STAG1: variants seen among roughly 807,000 people sequenced by gnomAD.
STAG1 encodes the protein STAG1 cohesin complex component.
Under a neutral mutation model 170.9 loss-of-function variants are expected in STAG1, and 26 were observed. The observed-to-expected ratio is 0.15, with a 90% CI of 0.11 to 0.21. The LOEUF (loss-of-function observed/expected upper bound fraction) is 0.21, where lower values mean the gene tolerates loss of function less well. Among genes scored for constraint, STAG1 ranks in the 10% least tolerant of loss-of-function variants. The probability of loss-of-function intolerance (pLI) is 1.00; values close to 1 mark genes in which losing one functional copy is unlikely to be tolerated. For synonymous variants in STAG1, 514 were observed against 497.7 expected, an observed-to-expected ratio of 1.03 and a Z score of -0.44; for missense variants, 964 against 1,509.5, an observed-to-expected ratio of 0.64 and a Z score of 5.99.
At chr3:136,512,376 A>C (rs1357579905) in intron 7 of STAG1, among the ~76,000 whole-genome samples, 1 of 152,202 alleles carries the variant, frequency 6.6e-6, no homozygotes, top group Non-Finnish European at 1.5e-5. Context: ...AGTAGGTTCC[A>C]TAGAAGATGA....
intron 6 of STAG1, among the ~76,000 whole-genome samples, chr3:136,540,347 A>AT (rs1380915955): frequency 1.3e-5 from 2 of 151,870 alleles, no homozygotes; most frequent in Non-Finnish European, 2.9e-5. Context: ...TAGAATGGTG[A>AT]TTTTAAAAAA....
At chr3:136,656,401 T>G (rs919525519) in intron 1 of STAG1, among the ~76,000 whole-genome samples, 3 of 152,224 alleles carry the variant, frequency 2.0e-5, no homozygotes, top group Middle Eastern at 6.8e-3. Context: ...CACTAAACTA[T>G]ACACTTAAAA....
intron 26 of STAG1, among the ~76,000 whole-genome samples, chr3:136,359,788 C>T (rs1003739563): frequency 6.6e-6 from 1 of 152,128 alleles, no homozygotes. Context: ...GGATTACAGG[C>T]GTGAGCCACC....
intron 21 of STAG1, among the ~76,000 whole-genome samples, chr3:136,403,244 A>G (rs1333883685): frequency 3.3e-5 from 5 of 149,402 alleles, no homozygotes; most frequent in African/African-American, 4.9e-5. Flanking sequence ...AAAAAAAAAA[A>G]AAAAAAAAAG....
intron 21 of STAG1, among the ~76,000 whole-genome samples, chr3:136,399,627 C>T (rs2087260870): frequency 6.6e-6 from 1 of 152,106 alleles, no homozygotes; most frequent in African/African-American, 2.4e-5. Flanking sequence ...TAAACTTTTA[C>T]ACTGCTTTGA....
intron 1 of STAG1, among the ~76,000 whole-genome samples, chr3:136,720,898 A>G (rs1418363161): frequency 2.0e-5 from 3 of 152,268 alleles, no homozygotes; most frequent in African/African-American, 4.8e-5. Flanking sequence ...CACTGTTAAC[A>G]TTAGCTCATT....
At position 136,714,973 on chromosome 3, in the gene STAG1, T is replaced by C. The variant is rs1478636318; in HGVS notation, c.-84+37222A>G. The stretch of plus-strand genomic sequence containing the variant: ...TATATATATATATATATTTTATATA[T>C]ATATTTTTATATATATATTTTATAT... On this transcript the variant is annotated intron_variant, in intron 1 of 33. Transcript: ENST00000383202. Among the ~76,000 whole-genome samples the C allele has an allele frequency of 1.8e-5, 2 of 109,374 alleles. 1 individual carries two copies. 71.8% of individuals were successfully genotyped at this position (109,374 alleles called of 152,430 possible).
chr3:136,636,490 T>C (rs1198378606), intron 1 of STAG1, among the ~76,000 whole-genome samples: 2 of 152,216 alleles, frequency 1.3e-5, no homozygotes, highest in Non-Finnish European at 2.9e-5. Flanking sequence ...CATGTTTATA[T>C]CAAATCAAGT....
At chr3:136,491,828 A>G (rs1371885387) in intron 9 of STAG1, among the ~76,000 whole-genome samples, 1 of 152,066 alleles carries the variant, frequency 6.6e-6, no homozygotes, top group African/African-American at 2.4e-5. Context: ...CCCTGTCTCT[A>G]TTAAAAATAC....
intron 1 of STAG1, among the ~76,000 whole-genome samples, chr3:136,724,570 C>T (rs1183789001): frequency 1.3e-5 from 2 of 150,230 alleles, no homozygotes; most frequent in Non-Finnish European, 3.0e-5. Context: ...GCCAAATCCC[C>T]CTCTGTGAGA....
intron 28 of STAG1, among the ~76,000 whole-genome samples, chr3:136,354,631 G>A (rs1476520155): frequency 6.6e-6 from 1 of 151,244 alleles, no homozygotes; most frequent in Admixed American, 6.6e-5. Flanking sequence ...TATACTGTAA[G>A]GCCTGGTAAG....
In STAG1 at chr3:136,530,997, C is replaced by T. The variant is rs1181847330; in HGVS notation, c.472-9580G>A. Among the ~76,000 whole-genome samples the T allele has an allele frequency of 2.6e-5, 4 of 152,048 alleles. No individual in the cohort carries two copies. In the East Asian group the frequency reaches 7.7e-4, roughly 29 times the overall value. On this transcript the variant is annotated intron_variant, in intron 6 of 33. Transcript: ENST00000383202. ...ATGGGCGCCTGTAATCCCAGATACT[C>T]GGTTGGCAGAGGCAGGAGAATCACC...
At chr3:136,545,201 AC>A (rs1012938311) in intron 5 of STAG1, among the ~76,000 whole-genome samples, 163 of 152,158 alleles carry the variant, frequency 1.1e-3, no homozygotes, top group African/African-American at 3.7e-3. Flanking sequence ...GGCACACGTC[AC>A]CACGTGTAAT....
chr3:136,703,261 T>A (rs1263835486), intron 1 of STAG1, among the ~76,000 whole-genome samples: 2 of 152,060 alleles, frequency 1.3e-5, no homozygotes, highest in East Asian at 1.9e-4. Context: ...ATGAAGAAAG[T>A]CATTGGTTAA....
At chr3:136,339,414 T>G (rs1439800391) in intron 32 of STAG1, among the ~76,000 whole-genome samples, 1 of 152,118 alleles carries the variant, frequency 6.6e-6, no homozygotes. Context: ...TGCCAGCTAT[T>G]TGGGAGGCTG....
chr3:136,592,934 C>CT (rs1938257314), intron 4 of STAG1, among the ~76,000 whole-genome samples: 1 of 152,164 alleles, frequency 6.6e-6, no homozygotes, highest in Non-Finnish European at 1.5e-5. Context: ...ACAACTTTGT[C>CT]TGAGTTCAAA....
At chr3:136,501,198 T>C (rs1056252611) in intron 8 of STAG1, among the ~76,000 whole-genome samples, 4 of 152,248 alleles carry the variant, frequency 2.6e-5, no homozygotes, top group Non-Finnish European at 4.4e-5. Context: ...AACTAATTAA[T>C]TTATAAGAGG....
chr3:136,376,012 T>TAAATAAATAAATAAATAAA (rs1553796066), intron 23 of STAG1, among the ~76,000 whole-genome samples: 1 of 14,186 alleles, frequency 7.0e-5, no homozygotes, highest in African/African-American at 2.4e-4. Context: ...AAATAAATAA[T>TAAATAAATAAATAAATAAA]TAACAAAATA....
chr3:136,743,173 T>C (rs139258424), intron 1 of STAG1, among the ~76,000 whole-genome samples: 79 of 152,058 alleles, frequency 5.2e-4, no homozygotes, highest in Admixed American at 1.1e-3. Context: ...TCAAAACCAG[T>C]ATGGCCAACA....
Sources: gnomAD v4.1 joint callset for allele counts (sites outside exome capture counted in the v4.1 genomes callset) on GRCh38, gnomAD v4.1.1 for gene constraint, MANE v1.5 for transcripts, NCBI Gene and HGNC (gene_info 2026-07-23, HGNC 2026-07-21) for gene names.